PDE4B: variants seen among roughly 807,000 people sequenced by gnomAD.
PDE4B encodes 3',5'-cyclic-AMP phosphodiesterase 4B.
PDE4B carries 20 observed loss-of-function variants against 82.2 expected under a neutral mutation model. The observed-to-expected ratio is 0.24, with a 90% CI of 0.17 to 0.35. PDE4B has a LOEUF of 0.35. Ranked by LOEUF, PDE4B falls within the 10% of genes least tolerant of loss-of-function variation. PDE4B has a pLI of 1.00. For synonymous variants in PDE4B, 320 were observed against 318.9 expected, an observed-to-expected ratio of 1.00 and a Z score of -0.04; for missense variants, 655 against 907.2, an observed-to-expected ratio of 0.72 and a Z score of 3.57.
rs528476636 is a variant in PDE4B at position 66,068,156 on chromosome 1, G to A, written c.281+149321G>A. Reference sequence around the variant, plus strand: ...CGTCAGTGCCTTGGGGGAGCTATATGTATAATTGTTCTCGCTTCCGTGAAA... The same window carrying A: ...CGTCAGTGCCTTGGGGGAGCTATATATATAATTGTTCTCGCTTCCGTGAAA... On this transcript the variant is annotated intron_variant, in intron 3 of 16. Transcript: ENST00000341517. 3.3e-5 allele frequency among the ~76,000 whole-genome samples: 5 copies of A among 151,442 alleles called. No individual in the cohort carries two copies. The East Asian group carries it at 5.8e-4, about 18-fold the overall frequency.
chr1:66,294,570 C>G (rs767898522), intron 7 of PDE4B, among the ~76,000 whole-genome samples: 7 of 152,154 alleles, frequency 4.6e-5, no homozygotes, highest in Non-Finnish European at 1.0e-4. Flanking sequence ...AGGTTTCTCT[C>G]TGATGCCTGT....
At chr1:66,329,920 C>T (rs1422663358) in intron 7 of PDE4B, among the ~76,000 whole-genome samples, 1 of 152,126 alleles carries the variant, frequency 6.6e-6, no homozygotes, top group Non-Finnish European at 1.5e-5. Context: ...ATTTGGTTTC[C>T]ATTCCTCCAA....
chr1:66,227,474 C>A (rs1427496307), intron 3 of PDE4B, among the ~76,000 whole-genome samples: 1 of 152,112 alleles, frequency 6.6e-6, no homozygotes, highest in Non-Finnish European at 1.5e-5. Flanking sequence ...AAGTGCTAAA[C>A]AAAGTGTCCA....
intron 1 of PDE4B, among the ~76,000 whole-genome samples, chr1:65,826,246 G>A (rs1646016123): frequency 6.6e-6 from 1 of 152,086 alleles, no homozygotes; most frequent in Non-Finnish European, 1.5e-5. Context: ...TTCTGTCCCT[G>A]CCTCCTAAGT....
intron 3 of PDE4B, among the ~76,000 whole-genome samples, chr1:66,038,777 G>C (rs1485381826): frequency 6.6e-6 from 1 of 152,110 alleles, no homozygotes; most frequent in Non-Finnish European, 1.5e-5. Flanking sequence ...TAGCTTAAGA[G>C]TGAAAGACCA....
At chr1:65,898,614 A>T (rs185913342) in intron 1 of PDE4B, among the ~76,000 whole-genome samples, 2 of 152,290 alleles carry the variant, frequency 1.3e-5, no homozygotes, top group Non-Finnish European at 2.9e-5. Context: ...GTATAAAAAT[A>T]GGCACACAGG....
intron 3 of PDE4B, among the ~76,000 whole-genome samples, chr1:66,122,711 T>TG (rs1004790237): frequency 6.8e-6 from 1 of 147,428 alleles, no homozygotes; most frequent in African/African-American, 2.5e-5. Context: ...TTCTTTTTTT[T>TG]TTTTTTTTTT....
At chr1:66,200,789 C>T (rs967000485) in intron 3 of PDE4B, among the ~76,000 whole-genome samples, 1 of 152,186 alleles carries the variant, frequency 6.6e-6, no homozygotes, top group Non-Finnish European at 1.5e-5. Flanking sequence ...ATGTCATCTG[C>T]AAACAGGGAG....
At chr1:66,022,648 G>A (rs1037008133) in intron 3 of PDE4B, among the ~76,000 whole-genome samples, 2 of 152,132 alleles carry the variant, frequency 1.3e-5, no homozygotes, top group African/African-American at 4.8e-5. Flanking sequence ...TGCATCCCAG[G>A]GATGAAACCA....
intron 3 of PDE4B, among the ~76,000 whole-genome samples, chr1:66,236,555 A>C (rs1652471453): frequency 6.6e-6 from 1 of 152,130 alleles, no homozygotes; most frequent in Non-Finnish European, 1.5e-5. Flanking sequence ...AATTCCTTCA[A>C]CTTTCATATG....
At chr1:66,045,908 T>C (rs1191320258) in intron 3 of PDE4B, among the ~76,000 whole-genome samples, 3 of 150,654 alleles carry the variant, frequency 2.0e-5, no homozygotes, top group African/African-American at 7.3e-5. Flanking sequence ...AGATGGGGAG[T>C]GGAAGGAGGG....
intron 3 of PDE4B, among the ~76,000 whole-genome samples, chr1:66,007,971 A>AGGT (rs1652245728): frequency 6.6e-6 from 1 of 152,236 alleles, no homozygotes; most frequent in East Asian, 1.9e-4. Flanking sequence ...ATAGATACAG[A>AGGT]GGTATATCAT....
At chr1:66,250,592 C>T (rs1027684903) in intron 4 of PDE4B, among the ~76,000 whole-genome samples, 1 of 152,138 alleles carries the variant, frequency 6.6e-6, no homozygotes, top group Non-Finnish European at 1.5e-5. Flanking sequence ...GCAAGATCAC[C>T]ATTGGGTCCC....
At chr1:65,882,028 G>A (rs886798302) in intron 1 of PDE4B, among the ~76,000 whole-genome samples, 2 of 152,142 alleles carry the variant, frequency 1.3e-5, no homozygotes, top group African/African-American at 2.4e-5. Context: ...TGCAAGAAAA[G>A]ACCACCACTC....
intron 3 of PDE4B, among the ~76,000 whole-genome samples, chr1:66,203,006 T>C (rs1179163867): frequency 6.6e-6 from 1 of 152,174 alleles, no homozygotes; most frequent in Non-Finnish European, 1.5e-5. Flanking sequence ...TTTCCATGTT[T>C]AGTGCTTCCT....
At chr1:65,810,915 T>A (rs1645811783) in intron 1 of PDE4B, among the ~76,000 whole-genome samples, 1 of 152,234 alleles carries the variant, frequency 6.6e-6, no homozygotes, top group Non-Finnish European at 1.5e-5. Flanking sequence ...TTCGAATACG[T>A]TAGGGTTTCT....
intron 3 of PDE4B, among the ~76,000 whole-genome samples, chr1:66,202,797 A>G (rs1649123671): frequency 6.6e-6 from 1 of 152,030 alleles, no homozygotes; most frequent in African/African-American, 2.4e-5. Context: ...TTGACTCTTT[A>G]TCCAATTTGC....
chr1:66,252,050 T>TG (rs1269357225), intron 4 of PDE4B, among the ~76,000 whole-genome samples: 1 of 151,910 alleles, frequency 6.6e-6, no homozygotes, highest in Non-Finnish European at 1.5e-5. Context: ...TAAAAGAGGA[T>TG]GGGGATTTAT....
chr1:65,930,015 A>G (rs940220459), intron 3 of PDE4B, among the ~76,000 whole-genome samples: 4 of 152,206 alleles, frequency 2.6e-5, no homozygotes, highest in Admixed American at 6.5e-5. Context: ...GAGGGACAGA[A>G]CTACTAGGAT....
Sources: gnomAD v4.1 joint callset for allele counts (sites outside exome capture counted in the v4.1 genomes callset) on GRCh38, gnomAD v4.1.1 for gene constraint, MANE v1.5 for transcripts, NCBI Gene and HGNC (gene_info 2026-07-23, HGNC 2026-07-21) for gene names.